The following FABP12 variants were observed in gnomAD, a reference collection of about 807,000 sequenced individuals.
FABP12 encodes fatty acid-binding protein 12.
FABP12 carries 19 observed loss-of-function variants against 13.7 expected under a neutral mutation model. That is an observed-to-expected ratio of 1.39 (90% CI 0.97 to 2.04). The LOEUF (loss-of-function observed/expected upper bound fraction) is 2.04, where lower values mean the gene tolerates loss of function less well. Among genes scored for constraint, FABP12 ranks in the 30% most tolerant of loss-of-function variants. The probability of loss-of-function intolerance (pLI) is 0.00; values close to 1 mark genes in which losing one functional copy is unlikely to be tolerated. For missense variants in FABP12, 182 were observed against 164.2 expected (o/e 1.11, Z -0.59); for synonymous variants, 61 against 57.0 (o/e 1.07, Z -0.32).
chr8:81,525,225 TGAAA>T, intron 4 of FABP12, 105 bp from the exon 5 acceptor site: 1 of 776,548 alleles, frequency 1.3e-6, no homozygotes, highest in Non-Finnish European at 2.1e-6. Context: ...TTAAAAATAT[TGAAA>T]GAGAGGCCGG....
intron 1 of FABP12, among the ~76,000 whole-genome samples, chr8:81,569,441 G>A (rs904946360): frequency 6.6e-6 from 1 of 152,128 alleles, no homozygotes; most frequent in Non-Finnish European, 1.5e-5. Flanking sequence ...CCAAGAGATG[G>A]CATCTAGAAG....
chr8:81,558,815 G>A (rs1356665248), intron 1 of FABP12, among the ~76,000 whole-genome samples: 6 of 150,854 alleles, frequency 4.0e-5, no homozygotes, highest in East Asian at 2.0e-4. Flanking sequence ...GCTTGAACCC[G>A]GGAGGCAGCA....
chr8:81,580,820 T>C (rs912277048), intron 1 of FABP12, among the ~76,000 whole-genome samples: 2 of 149,972 alleles, frequency 1.3e-5, no homozygotes, highest in Non-Finnish European at 3.0e-5. Context: ...TTTTTGTTCA[T>C]CCAGAAAGGG....
intron 2 of FABP12, among the ~76,000 whole-genome samples, chr8:81,539,581 T>C (rs942362002): frequency 3.9e-5 from 6 of 152,154 alleles, no homozygotes; most frequent in Admixed American, 6.5e-5. Context: ...AATAAATTAG[T>C]TGATGCTGGT....
At chr8:81,540,116 A>C (rs1809311245) in intron 1 of FABP12, among the ~76,000 whole-genome samples, 1 of 152,240 alleles carries the variant, frequency 6.6e-6, no homozygotes, top group Non-Finnish European at 1.5e-5. Flanking sequence ...CTAGACCAGT[A>C]GTTCTCAAAG....
chr8:81,588,223 C>T (rs139154667), intron 1 of FABP12, among the ~76,000 whole-genome samples: 6 of 152,292 alleles, frequency 3.9e-5, no homozygotes, highest in Middle Eastern at 6.8e-3. Flanking sequence ...ATCAAATTGA[C>T]ACTCAATATT....
At chr8:81,582,268 G>A (rs1810175996) in intron 1 of FABP12, among the ~76,000 whole-genome samples, 1 of 151,640 alleles carries the variant, frequency 6.6e-6, no homozygotes, top group Non-Finnish European at 1.5e-5. Context: ...GACTACAGGC[G>A]TACTCCATCA....
intron 1 of FABP12, among the ~76,000 whole-genome samples, chr8:81,579,599 A>G (rs1395136817): frequency 6.6e-6 from 1 of 152,210 alleles, no homozygotes. Flanking sequence ...CTTCTTTCAG[A>G]TGAAAAAAGT....
At chr8:81,555,073 A>T (rs1325642029) in intron 1 of FABP12, among the ~76,000 whole-genome samples, 1 of 152,198 alleles carries the variant, frequency 6.6e-6, no homozygotes, top group Non-Finnish European at 1.5e-5. Flanking sequence ...ATACTAAAAA[A>T]GTGAAGAGGA....
chr8:81,578,792 T>C (rs188760662), intron 1 of FABP12, among the ~76,000 whole-genome samples: 336 of 138,704 alleles, frequency 2.4e-3, no homozygotes, highest in African/African-American at 8.1e-3. Context: ...CCTATTTAAT[T>C]TCCAATACAG....
At chr8:81,575,444 A>G (rs1036444771) in intron 1 of FABP12, among the ~76,000 whole-genome samples, 2 of 152,174 alleles carry the variant, frequency 1.3e-5, no homozygotes, top group African/African-American at 4.8e-5. Context: ...GTTGCATGAA[A>G]TGTTCTGTAT....
At chr8:81,529,496 A>G (rs1563542376) in exon 3 of FABP12, 1 of 1,613,732 alleles carries the variant, frequency 6.2e-7, no homozygotes, top group Non-Finnish European at 8.5e-7. Flanking sequence ...CTTAAAGGAG[A>G]TCTCATTATT....
intron 1 of FABP12, among the ~76,000 whole-genome samples, chr8:81,578,239 A>C (rs887338699): frequency 3.3e-5 from 5 of 152,222 alleles, no homozygotes; most frequent in African/African-American, 1.2e-4. Context: ...AATTCTTAAA[A>C]GAATACATTT....
intron 1 of FABP12, among the ~76,000 whole-genome samples, chr8:81,565,465 A>T (rs935708683): frequency 2.6e-5 from 4 of 152,124 alleles, no homozygotes; most frequent in Non-Finnish European, 4.4e-5. Flanking sequence ...AATTCAAAAA[A>T]AATTGAAATT....
chr8:81,586,727 T>C (rs868827109), intron 1 of FABP12, among the ~76,000 whole-genome samples: 3 of 152,076 alleles, frequency 2.0e-5, no homozygotes, highest in South Asian at 4.1e-4. Flanking sequence ...TGCAAATATT[T>C]TTCTCATTCT....
intron 1 of FABP12, among the ~76,000 whole-genome samples, chr8:81,587,527 A>G (rs944882330): frequency 1.4e-4 from 22 of 152,034 alleles, no homozygotes; most frequent in Admixed American, 3.9e-4. Context: ...AGCTGTATTT[A>G]TAGATATTTT....
chr8:81,571,477 C>T (rs373421415), intron 1 of FABP12, among the ~76,000 whole-genome samples: 3 of 152,354 alleles, frequency 2.0e-5, no homozygotes, highest in Non-Finnish European at 1.5e-5. Flanking sequence ...CCCTCAGCCT[C>T]CTCTGCTGCC....
chr8:81,565,451 T>C (rs1197407899), intron 1 of FABP12, among the ~76,000 whole-genome samples: 1 of 151,970 alleles, frequency 6.6e-6, no homozygotes, highest in African/African-American at 2.4e-5. Context: ...AACAAGGCTC[T>C]AAAAATTCAA....
intron 1 of FABP12, among the ~76,000 whole-genome samples, chr8:81,559,985 T>C (rs1333274407): frequency 2.0e-5 from 3 of 152,218 alleles, no homozygotes; most frequent in Non-Finnish European, 4.4e-5. Context: ...ATGTTCTATT[T>C]ATTTATTTGT....
Sources: allele counts gnomAD v4.1 joint callset (sites outside exome capture counted in the v4.1 genomes callset), GRCh38; gene constraint gnomAD v4.1.1; transcripts MANE v1.5; gene names NCBI Gene and HGNC (gene_info 2026-07-23, HGNC 2026-07-21).